Variants in EYS observed in about 807,000 individuals in gnomAD.
The protein encoded by EYS is EGF-like photoreceptor maintenance factor.
Under a neutral mutation model 282.1 loss-of-function variants are expected in EYS, and 250 were observed. That is an observed-to-expected ratio of 0.89 (90% CI 0.80 to 0.98). The LOEUF (loss-of-function observed/expected upper bound fraction) is 0.98. Ranked by LOEUF, EYS falls within the 50% of genes least tolerant of loss-of-function variation. The pLI is 0.00. For synonymous variants in EYS, 1,355 were observed against 1,282.9 expected, an observed-to-expected ratio of 1.06 and a Z score of -1.20; for missense variants, 4,016 against 3,709.0, an observed-to-expected ratio of 1.08 and a Z score of -2.15.
intron 12 of EYS, among the ~76,000 whole-genome samples, chr6:65,239,656 G>T (rs1351924204): frequency 6.6e-6 from 1 of 151,856 alleles, no homozygotes; most frequent in African/African-American, 2.4e-5. Flanking sequence ...GAATTTTGTG[G>T]GTTTAGAAGC....
chr6:65,642,485 C>T (rs1767309002), intron 1 of EYS, among the ~76,000 whole-genome samples: 1 of 151,930 alleles, frequency 6.6e-6, no homozygotes, highest in Admixed American at 6.6e-5. Context: ...CTGAAGCCTC[C>T]AGACTTTTAA....
chr6:63,904,368 T>TA (rs1252184913), intron 35 of EYS, among the ~76,000 whole-genome samples: 1 of 152,154 alleles, frequency 6.6e-6, no homozygotes, highest in Non-Finnish European at 1.5e-5. Context: ...TGACCCTTGT[T>TA]ATGACTTAGC....
chr6:64,433,361 A>G (rs547394210), intron 28 of EYS, among the ~76,000 whole-genome samples: 2 of 152,170 alleles, frequency 1.3e-5, no homozygotes, highest in Admixed American at 6.6e-5. Flanking sequence ...TTTAGCTGCA[A>G]CATTCATGAA....
intron 14 of EYS, among the ~76,000 whole-genome samples, chr6:64,973,100 C>T (rs10485053): frequency 0.15 from 22,708 of 151,758 alleles, 1,757 homozygotes; most frequent in East Asian, 0.23. Context: ...GATTTATAGC[C>T]CTATATACCG....
intron 35 of EYS, among the ~76,000 whole-genome samples, chr6:63,925,214 T>C (rs1310657560): frequency 2.0e-5 from 3 of 152,236 alleles, no homozygotes; most frequent in Admixed American, 6.5e-5. Flanking sequence ...TGGGCAATGC[T>C]GTCAAATATC....
intron 31 of EYS, among the ~76,000 whole-genome samples, chr6:64,178,659 G>T (rs1489741226): frequency 6.6e-6 from 1 of 152,000 alleles, no homozygotes; most frequent in East Asian, 1.9e-4. Flanking sequence ...TCCTCTGAAG[G>T]AGGAAATTGA....
At chr6:65,617,414 G>C (rs1052464700) in intron 2 of EYS, among the ~76,000 whole-genome samples, 1 of 151,516 alleles carries the variant, frequency 6.6e-6, no homozygotes, top group Non-Finnish European at 1.5e-5. Context: ...CATATCTATT[G>C]GTAAATGTTT....
At chr6:64,091,595 G>A (rs144189327) in intron 31 of EYS, among the ~76,000 whole-genome samples, 10 of 152,216 alleles carry the variant, frequency 6.6e-5, no homozygotes, top group Middle Eastern at 3.4e-3. Flanking sequence ...AGGCCTCTAC[G>A]TTGATGGTCC....
intron 22 of EYS, among the ~76,000 whole-genome samples, chr6:64,780,046 C>T (rs1773810877): frequency 6.6e-6 from 1 of 152,102 alleles, no homozygotes; most frequent in Admixed American, 6.6e-5. Context: ...TGAACACAAT[C>T]CAGGGCTTGG....
chr6:64,616,313 T>A (rs1767273847), intron 24 of EYS, among the ~76,000 whole-genome samples: 1 of 152,120 alleles, frequency 6.6e-6, no homozygotes, highest in African/African-American at 2.4e-5. Flanking sequence ...TATCAGAGCA[T>A]CTGATATTTT....
At chr6:63,726,226 C>T (rs1232870464) in intron 42 of EYS, among the ~76,000 whole-genome samples, 1 of 152,056 alleles carries the variant, frequency 6.6e-6, no homozygotes, top group Non-Finnish European at 1.5e-5. Context: ...TATTTTGTCT[C>T]CTTTGACATA....
intron 26 of EYS, among the ~76,000 whole-genome samples, chr6:64,530,409 C>T (rs992258461): frequency 6.6e-6 from 1 of 151,840 alleles, no homozygotes; most frequent in Non-Finnish European, 1.5e-5. Flanking sequence ...TTTATATCTG[C>T]AGGACATGTG....
At chr6:64,669,374 A>C (rs960452489) in intron 22 of EYS, among the ~76,000 whole-genome samples, 2 of 152,152 alleles carry the variant, frequency 1.3e-5, no homozygotes, top group East Asian at 3.9e-4. Context: ...AGAGAGAGAG[A>C]GATAGGTTTG....
intron 11 of EYS, chr6:65,331,758 T>G (rs1196715143): frequency 3.1e-6 from 3 of 977,684 alleles, no homozygotes; most frequent in African/African-American, 3.5e-5. Context: ...CTATTCTATG[T>G]GTCTTTTGTG....
chr6:65,239,793 C>G (rs894835310), intron 12 of EYS, among the ~76,000 whole-genome samples: 2 of 151,924 alleles, frequency 1.3e-5, no homozygotes, highest in Non-Finnish European at 2.9e-5. Context: ...ATACAAAATA[C>G]TAATACCATA....
chr6:65,298,885 T>C (rs555483796), intron 11 of EYS, among the ~76,000 whole-genome samples: 1 of 152,154 alleles, frequency 6.6e-6, no homozygotes, highest in Non-Finnish European at 1.5e-5. Flanking sequence ...TATATGAATG[T>C]ACCATAATAT....
intron 22 of EYS, among the ~76,000 whole-genome samples, chr6:64,668,136 A>T (rs1354489278): frequency 6.6e-6 from 1 of 152,218 alleles, no homozygotes; most frequent in East Asian, 1.9e-4. Flanking sequence ...AGCAACCTGA[A>T]ACTAGCAAAT....
intron 1 of EYS, among the ~76,000 whole-genome samples, chr6:65,650,752 C>T (rs569076453): frequency 6.6e-6 from 1 of 152,300 alleles, no homozygotes; most frequent in East Asian, 1.9e-4. Flanking sequence ...AGAGCAAAAA[C>T]AGCTCTAGCT....
At chr6:65,395,224 C>T (rs1190670712) in intron 7 of EYS, among the ~76,000 whole-genome samples, 4 of 152,034 alleles carry the variant, frequency 2.6e-5, no homozygotes, top group South Asian at 2.1e-4. Flanking sequence ...CCACCATGCC[C>T]GGCTAATTTT....
Sources: allele counts gnomAD v4.1 joint callset (sites outside exome capture counted in the v4.1 genomes callset), GRCh38; gene constraint gnomAD v4.1.1; transcripts MANE v1.5; gene names NCBI Gene and HGNC (gene_info 2026-07-23, HGNC 2026-07-21).